FHIT: variants seen among roughly 807,000 people sequenced by gnomAD.
FHIT encodes the protein bis(5'-adenosyl)-triphosphatase.
FHIT carries 19 observed loss-of-function variants against 17.9 expected under a neutral mutation model. The ratio of observed to expected loss-of-function variants is 1.06; its 90% CI spans 0.74 to 1.56. The LOEUF (loss-of-function observed/expected upper bound fraction) is 1.56, where lower values mean the gene tolerates loss of function less well. Ranked by LOEUF, FHIT falls within the 40% of genes most tolerant of loss-of-function variation. The pLI is 0.00. For synonymous variants in FHIT, 81 were observed against 69.7 expected, an observed-to-expected ratio of 1.16 and a Z score of -0.81; for missense variants, 248 against 189.2, an observed-to-expected ratio of 1.31 and a Z score of -1.82.
intron 3 of FHIT, among the ~76,000 whole-genome samples, chr3:60,909,859 T>C (rs1311758492): frequency 6.6e-6 from 1 of 152,096 alleles, no homozygotes; most frequent in Non-Finnish European, 1.5e-5. Context: ...AACCAGAAAT[T>C]GACCTCCCAG....
intron 8 of FHIT, among the ~76,000 whole-genome samples, chr3:59,877,056 T>G (rs762329551): frequency 4.0e-4 from 61 of 152,206 alleles, no homozygotes; most frequent in Non-Finnish European, 7.1e-4. Flanking sequence ...GTAGTTATTG[T>G]GTGACCATGA....
intron 5 of FHIT, among the ~76,000 whole-genome samples, chr3:60,331,182 C>T (rs1709954257): frequency 6.6e-6 from 1 of 152,188 alleles, no homozygotes; most frequent in Admixed American, 6.5e-5. Flanking sequence ...GGCCTGTGTA[C>T]ATGATGTTCA....
chr3:60,769,648 C>T (rs897713765), intron 4 of FHIT, among the ~76,000 whole-genome samples: 2 of 152,154 alleles, frequency 1.3e-5, no homozygotes, highest in Non-Finnish European at 2.9e-5. Context: ...AATCAGAAGT[C>T]GGGTATAGAA....
At chr3:59,894,366 T>G (rs995184704) in intron 8 of FHIT, among the ~76,000 whole-genome samples, 9 of 152,290 alleles carry the variant, frequency 5.9e-5, no homozygotes, top group African/African-American at 2.2e-4. Flanking sequence ...TTAAATAAAT[T>G]AAGGCAACTT....
intron 3 of FHIT, among the ~76,000 whole-genome samples, chr3:60,980,041 G>C (rs1710427807): frequency 6.6e-6 from 1 of 152,196 alleles, no homozygotes; most frequent in South Asian, 2.1e-4. Context: ...GACCAGAACA[G>C]AGTTATCTCA....
At chr3:60,644,075 C>T (rs1553686075) in intron 4 of FHIT, among the ~76,000 whole-genome samples, 1 of 152,186 alleles carries the variant, frequency 6.6e-6, no homozygotes, top group Non-Finnish European at 1.5e-5. Flanking sequence ...ATGTGTTTCC[C>T]TCACATATCT....
chr3:60,674,879 T>C (rs1379808950), intron 4 of FHIT, among the ~76,000 whole-genome samples: 3 of 152,300 alleles, frequency 2.0e-5, no homozygotes, highest in Non-Finnish European at 2.9e-5. Context: ...GAAACCTCCA[T>C]GTACACTACC....
At chr3:60,162,039 G>A (rs1343392768) in intron 5 of FHIT, among the ~76,000 whole-genome samples, 1 of 152,138 alleles carries the variant, frequency 6.6e-6, no homozygotes, top group African/African-American at 2.4e-5. Flanking sequence ...CAGATCACCA[G>A]GAGAAATGTA....
chr3:59,804,623 G>A (rs751317874), intron 8 of FHIT, among the ~76,000 whole-genome samples: 2 of 152,204 alleles, frequency 1.3e-5, no homozygotes, highest in African/African-American at 4.8e-5. Flanking sequence ...TATGCCCTAT[G>A]TAAATGAAGA....
At chr3:60,036,751 G>C (rs1701233919) in intron 5 of FHIT, among the ~76,000 whole-genome samples, 1 of 152,008 alleles carries the variant, frequency 6.6e-6, no homozygotes, top group Non-Finnish European at 1.5e-5. Flanking sequence ...AGAAGTAACT[G>C]CCCAGTCAAC....
chr3:61,019,694 G>A (rs1398060072), intron 3 of FHIT, among the ~76,000 whole-genome samples: 1 of 151,930 alleles, frequency 6.6e-6, no homozygotes, highest in African/African-American at 2.4e-5. Flanking sequence ...TTTTCTCTAT[G>A]GCTTTAAACA....
At chr3:60,382,029 G>C (rs1308513373) in intron 5 of FHIT, among the ~76,000 whole-genome samples, 1 of 152,094 alleles carries the variant, frequency 6.6e-6, no homozygotes, top group Non-Finnish European at 1.5e-5. Flanking sequence ...GCCACATATG[G>C]CTTAATAGCT....
intron 5 of FHIT, among the ~76,000 whole-genome samples, chr3:60,079,994 T>C (rs1703206146): frequency 6.6e-6 from 1 of 152,186 alleles, no homozygotes; most frequent in Non-Finnish European, 1.5e-5. Context: ...TTTACTGTCA[T>C]TACTTTAATG....
intron 5 of FHIT, among the ~76,000 whole-genome samples, chr3:60,191,496 G>T (rs1273431838): frequency 6.6e-6 from 1 of 152,136 alleles, no homozygotes; most frequent in Non-Finnish European, 1.5e-5. Context: ...AGTGTACATT[G>T]CTCACATACA....
At chr3:60,920,060 G>C (rs1470900136) in intron 3 of FHIT, among the ~76,000 whole-genome samples, 1 of 151,696 alleles carries the variant, frequency 6.6e-6, no homozygotes, top group East Asian at 1.9e-4. Flanking sequence ...AGTGCATATA[G>C]CATGGACTTA....
At chr3:60,431,184 C>A (rs1388494546) in intron 5 of FHIT, among the ~76,000 whole-genome samples, 9 of 148,614 alleles carry the variant, frequency 6.1e-5, no homozygotes, top group African/African-American at 1.0e-4. Context: ...GCACTCTAGC[C>A]TGGATGACAA....
intron 4 of FHIT, among the ~76,000 whole-genome samples, chr3:60,792,510 C>A (rs1700818735): frequency 6.6e-6 from 1 of 152,212 alleles, no homozygotes; most frequent in Non-Finnish European, 1.5e-5. Context: ...CATAAATAAA[C>A]TGCCTGAGGA....
chr3:60,850,348 T>G, intron 3 of FHIT, among the ~76,000 whole-genome samples: 1 of 118,670 alleles, frequency 8.4e-6, no homozygotes, highest in African/African-American at 3.1e-5. Context: ...TCTCTCTCTC[T>G]CTCTCTCTCT....
At chr3:60,468,930 C>T (rs540831043) in intron 5 of FHIT, among the ~76,000 whole-genome samples, 2 of 151,838 alleles carry the variant, frequency 1.3e-5, no homozygotes, top group East Asian at 3.9e-4. Flanking sequence ...AGGATATTTT[C>T]ACTGGATATA....
Sources: allele counts gnomAD v4.1 joint callset (sites outside exome capture counted in the v4.1 genomes callset), GRCh38; gene constraint gnomAD v4.1.1; transcripts MANE v1.5; gene names NCBI Gene and HGNC (gene_info 2026-07-23, HGNC 2026-07-21).